PCDHA1: variants seen among roughly 807,000 people sequenced by gnomAD.
PCDHA1 encodes protocadherin alpha 1.
In PCDHA1, 42 loss-of-function variants were observed where a neutral mutation model predicts 61.3. The observed-to-expected ratio is 0.69, with a 90% confidence interval of 0.54 to 0.89. The LOEUF (loss-of-function observed/expected upper bound fraction) is 0.89, where lower values mean the gene tolerates loss of function less well. PCDHA1 is among the 40% of genes least tolerant of loss of function. The pLI is 0.00. For synonymous variants in PCDHA1, 610 were observed against 553.8 expected (o/e 1.10, Z -1.43); for missense variants, 1,256 against 1,235.3 (o/e 1.02, Z -0.25).
intron 3 of PCDHA1, among the ~76,000 whole-genome samples, chr5:141,000,895 T>C (rs896500322): frequency 5.3e-5 from 8 of 152,072 alleles, no homozygotes; most frequent in Non-Finnish European, 1.2e-4. Context: ...GCAACAGATA[T>C]AGACGCTGTC....
intron 1 of PCDHA1, among the ~76,000 whole-genome samples, chr5:140,931,556 A>T (rs2153608416): frequency 6.6e-6 from 1 of 152,166 alleles, no homozygotes; most frequent in East Asian, 1.9e-4. Context: ...ATGTGCAGGA[A>T]TATTGTACCA....
chr5:140,852,300 C>A (rs1056866634), intron 1 of PCDHA1: 2 of 445,888 alleles, frequency 4.5e-6, no homozygotes, highest in East Asian at 1.5e-4. Flanking sequence ...TTTTCTGAGA[C>A]GGAGTCGTTT....
chr5:141,011,104 C>G lies in PCDHA1; in HGVS notation c.*1167C>G, dbSNP rs1396728499. The G allele has an allele frequency of 6.5e-6, 1 of 153,844 alleles. No homozygotes were observed. Among genetic ancestry groups the G allele is most frequent in the Non-Finnish European group, 1.5e-5 (1 of 68,020 alleles). The allele number at this position is 153,844 out of a possible 1,614,324, so 9.5% of individuals were successfully genotyped here. A position where few individuals can be genotyped will look rare whatever the true frequency, so the allele number is the denominator to read the frequency against. On this transcript the variant is annotated 3_prime_UTR_variant, in exon 4 of 4. Transcript: ENST00000504120. ...GATCTCTCTTTCTCTCTCTCTCTCT[C>G]TTTTCTAAGAAACAATTATGTGCAC... is the stretch of plus-strand genomic sequence containing the variant.
At chr5:140,821,716 A>T in intron 1 of PCDHA1, 2 of 1,489,172 alleles carry the variant, frequency 1.3e-6, no homozygotes, top group Non-Finnish European at 1.8e-6. Context: ...TGGGAATTGA[A>T]TTTACAAAAT....
chr5:140,962,068 G>C (rs2095654419), intron 1 of PCDHA1, among the ~76,000 whole-genome samples: 1 of 151,882 alleles, frequency 6.6e-6, no homozygotes, highest in African/African-American at 2.4e-5. Context: ...GTATTTTTTA[G>C]TAGAGACGGG....
chr5:140,869,135 C>T, intron 1 of PCDHA1: 1 of 1,613,026 alleles, frequency 6.2e-7, no homozygotes. Flanking sequence ...GGATTGGGCA[C>T]CCCACGACTA....
At chr5:140,843,522 CG>C (rs1554140172) in intron 1 of PCDHA1, 1 of 1,595,680 alleles carries the variant, frequency 6.3e-7, no homozygotes, top group Non-Finnish European at 8.6e-7. Flanking sequence ...GGGTGCCGGG[CG>C]GGCAAGCCCA....
intron 1 of PCDHA1, among the ~76,000 whole-genome samples, chr5:140,892,460 C>T (rs1428598912): frequency 1.3e-5 from 2 of 152,102 alleles, no homozygotes; most frequent in African/African-American, 2.4e-5. Context: ...TCTTTAAGTA[C>T]GGTTATTCAG....
intron 1 of PCDHA1, chr5:140,863,232 G>A (rs1283717964): frequency 8.1e-7 from 1 of 1,230,740 alleles, no homozygotes; most frequent in Non-Finnish European, 1.1e-6. Context: ...AGGTCCCATC[G>A]CGGGCTTTGG....
Position 140,927,866 on chromosome 5 carries a change from A to G in PCDHA1, c.2395-51083A>G, listed in dbSNP as rs1554205166. The G allele has an allele frequency of 2.5e-6, 4 of 1,614,224 alleles. No individual in the cohort carries two copies. In the Admixed American group the frequency reaches 6.7e-5, roughly 27 times the overall value. On this transcript the variant is annotated intron_variant, in intron 1 of 3. Transcript: ENST00000504120. Reference sequence around the variant, plus strand: ...GTCTTTGGTTTAGCTAGCACCGCTAAACTGCTGGTGGAGGTGACTGACGTG... The same window carrying G: ...GTCTTTGGTTTAGCTAGCACCGCTAGACTGCTGGTGGAGGTGACTGACGTG...
At chr5:140,944,718 G>A (rs1554216523) in intron 1 of PCDHA1, among the ~76,000 whole-genome samples, 1 of 152,088 alleles carries the variant, frequency 6.6e-6, no homozygotes, top group East Asian at 1.9e-4. Flanking sequence ...TTTTGCCTTT[G>A]AACACCTTAG....
chr5:140,891,694 T>A (rs1302084074), intron 1 of PCDHA1, among the ~76,000 whole-genome samples: 1 of 152,236 alleles, frequency 6.6e-6, no homozygotes, highest in East Asian at 1.9e-4. Flanking sequence ...TTCTTGCTGT[T>A]GTCTGAATTT....
chr5:140,941,214 C>CTTTCTTTCTTTCTGTCTTT, intron 1 of PCDHA1, among the ~76,000 whole-genome samples: 1 of 122,492 alleles, frequency 8.2e-6, no homozygotes, highest in African/African-American at 3.1e-5. Flanking sequence ...TTTCTTTCTT[C>CTTTCTTTCTTTCTGTCTTT]CTTTCTTTCT....
chr5:140,870,833 A>G (rs782800341), intron 1 of PCDHA1: 3 of 1,613,654 alleles, frequency 1.9e-6, no homozygotes, highest in Admixed American at 3.3e-5. Context: ...GGCGCAGTTA[A>G]CAAGCTAGTA....
intron 1 of PCDHA1, among the ~76,000 whole-genome samples, chr5:140,914,693 G>C (rs1554196535): frequency 7.9e-5 from 12 of 151,662 alleles, no homozygotes; most frequent in Non-Finnish European, 1.8e-4. Flanking sequence ...TTCTCTGGTG[G>C]TATGATTTAA....
At chr5:140,982,234 A>C (rs1039012011) in intron 2 of PCDHA1, 1 of 643,856 alleles carries the variant, frequency 1.6e-6, no homozygotes. Flanking sequence ...AAAAAACAGA[A>C]TTGCCATAAA....
chr5:140,790,840 T>G (rs1761602566), intron 1 of PCDHA1, among the ~76,000 whole-genome samples: 1 of 152,210 alleles, frequency 6.6e-6, no homozygotes, highest in Non-Finnish European at 1.5e-5. Flanking sequence ...GAATTACTAT[T>G]AAACCAAAAA....
chr5:140,807,107 T>A, intron 1 of PCDHA1: 1 of 1,466,078 alleles, frequency 6.8e-7, no homozygotes. Context: ...AGGATGCAGC[T>A]GCACTTGACT....
At chr5:140,841,911 G>GA (rs2150325443) in intron 1 of PCDHA1, 1 of 1,613,886 alleles carries the variant, frequency 6.2e-7, no homozygotes, top group Non-Finnish European at 8.5e-7. Flanking sequence ...CTCGTATTAA[G>GA]AAAATCCTTG....
Sources: allele counts gnomAD v4.1 joint callset (sites outside exome capture counted in the v4.1 genomes callset), GRCh38; gene constraint gnomAD v4.1.1; transcripts MANE v1.5; gene names NCBI Gene and HGNC (gene_info 2026-07-23, HGNC 2026-07-21).